RMDN1: variants seen among roughly 807,000 people sequenced by gnomAD.
RMDN1 encodes regulator of microtubule dynamics protein 1.
Under a neutral mutation model 48.9 loss-of-function variants are expected in RMDN1, and 48 were observed. That is an observed-to-expected ratio of 0.98 (90% confidence interval 0.78 to 1.25). RMDN1 has a LOEUF of 1.25. Ranked by LOEUF, RMDN1 falls within the 50% of genes most tolerant of loss-of-function variation. The pLI, the probability that RMDN1 is intolerant of heterozygous loss-of-function variation, is 0.00. For missense variants in RMDN1, 418 were observed against 373.4 expected, an observed-to-expected ratio of 1.12 and a Z score of -0.98; for synonymous variants, 148 against 132.6, an observed-to-expected ratio of 1.12 and a Z score of -0.80.
chr8:86,484,378 T>C (rs1048011722), intron 5 of RMDN1, among the ~76,000 whole-genome samples: 2 of 152,064 alleles, frequency 1.3e-5, no homozygotes, highest in South Asian at 2.1e-4. Context: ...TACCAAGCAA[T>C]GTAGAAGTGC....
intron 2 of RMDN1, among the ~76,000 whole-genome samples, chr8:86,494,151 T>C (rs1239025933): frequency 1.3e-5 from 2 of 152,196 alleles, no homozygotes; most frequent in African/African-American, 2.4e-5. Flanking sequence ...ATGATAACCA[T>C]AGTTAATAAT....
At chr8:86,497,108 C>G (rs1219952763) in intron 2 of RMDN1, among the ~76,000 whole-genome samples, 1 of 152,154 alleles carries the variant, frequency 6.6e-6, no homozygotes, top group Admixed American at 6.5e-5. Context: ...CAAAGATTTA[C>G]CATCCCAGAA....
chr8:86,481,564 T>TC (rs2130709865), intron 5 of RMDN1, among the ~76,000 whole-genome samples: 1 of 76,314 alleles, frequency 1.3e-5, no homozygotes, highest in African/African-American at 4.4e-5. Flanking sequence ...ATTTTCCTTT[T>TC]TTTTTTTTTT....
intron 4 of RMDN1, 40 bp downstream of exon 4, chr8:86,486,444 C>A: frequency 7.4e-7 from 1 of 1,353,696 alleles, no homozygotes; most frequent in African/African-American, 1.5e-5. Flanking sequence ...AGAAAATGTA[C>A]CTCTCAGTAC....
At position 86,503,366 on chromosome 8, in the gene RMDN1, CAAAACAAA is replaced by C. The variant is rs1818628412; in HGVS notation, c.247+3621_247+3628del. 2.0e-4 allele frequency among the ~76,000 whole-genome samples: 14 copies of C among 70,482 alleles called. 2 individuals carry two copies. The South Asian group carries it at 6.6e-3, about 33-fold the overall frequency. The allele number at this position is 70,482 out of a possible 152,430, so 46.2% of individuals were successfully genotyped here. On this transcript the variant is annotated intron_variant, in intron 2 of 9. Coordinates refer to ENST00000406452, the MANE Select transcript of RMDN1 (RefSeq NM_016033.3). ...GACTCCGTCTCAAAACAAAACAAAA[CAAAACAAA>C]AAAAAAAAAAAAAAACAAAAAAAAA...
rs766820001 is a variant in RMDN1 at position 86,508,653 on chromosome 8, T to G, written c.-33A>C. On this transcript the variant is annotated 5_prime_UTR_variant, in exon 1 of 10. Coordinates refer to ENST00000406452, the MANE Select transcript of RMDN1 (RefSeq NM_016033.3). ...AACTTGCGGGCTGACCCTGCACTAC[T>G]TCAGGCAGCTACGGAGGCGGGCGGG... 1 of 1,569,874 alleles carries G rather than the reference T, an allele frequency of 6.4e-7. No individual in the cohort carries two copies. The highest frequency in any genetic ancestry group is 1.8e-5 in the Admixed American group (1 of 56,224).
At chr8:86,503,865 C>T (rs1020783062) in intron 2 of RMDN1, 8 of 630,308 alleles carry the variant, frequency 1.3e-5, no homozygotes, top group African/African-American at 1.1e-4. Context: ...CAATGCTTAT[C>T]GTCAACCTGT....
intron 2 of RMDN1, among the ~76,000 whole-genome samples, chr8:86,490,563 C>G (rs888373548): frequency 3.3e-5 from 5 of 152,064 alleles, no homozygotes; most frequent in African/African-American, 7.3e-5. Context: ...ATGCAGCTCT[C>G]CCAATGCTGA....
chr8:86,491,772 G>A (rs1040112431), intron 2 of RMDN1, among the ~76,000 whole-genome samples: 8 of 152,186 alleles, frequency 5.3e-5, no homozygotes, highest in African/African-American at 1.9e-4. Context: ...AAATGCCAAT[G>A]ATGTGACCTC....
At position 86,486,532 on chromosome 8, in the gene RMDN1, A is replaced by G. The variant is rs1815493390; in HGVS notation, c.447T>C (p.Tyr149=). The change falls in exon 4 of 10, where the codon TAT becomes TAC. Residue 149 remains tyrosine, a synonymous_variant. Coordinates refer to ENST00000406452, the MANE Select transcript of RMDN1 (RefSeq NM_016033.3). ...KKLLVYEALE[Y]AKRALEKNES... ...CATTTTTTTCTAGTGCTCTTTTTGC[A>G]TACTCTAGGGCTTCATACACCAATA... 2 of 1,602,534 alleles carry G rather than the reference A, an allele frequency of 1.2e-6. No individual in the cohort carries two copies. Among genetic ancestry groups the G allele is most frequent in the South Asian group, 2.2e-5 (2 of 88,996 alleles).
At chr8:86,499,321 A>G (rs1015739201) in intron 2 of RMDN1, among the ~76,000 whole-genome samples, 3 of 152,122 alleles carry the variant, frequency 2.0e-5, no homozygotes, top group South Asian at 2.1e-4. Context: ...AAAACCCCAT[A>G]AACAGTCTGC....
chr8:86,501,431 G>C (rs1818198150), intron 2 of RMDN1, among the ~76,000 whole-genome samples: 1 of 152,160 alleles, frequency 6.6e-6, no homozygotes, highest in Admixed American at 6.5e-5. Flanking sequence ...TCAGCACTTT[G>C]GGAGGCTGAG....
chr8:86,479,180 C>T (rs983979660), intron 6 of RMDN1, among the ~76,000 whole-genome samples, 170 bp from the exon 7 acceptor site: 4 of 152,028 alleles, frequency 2.6e-5, no homozygotes, highest in African/African-American at 9.7e-5. Context: ...GATCCTTTAG[C>T]TGGGGGGTGT....
At chr8:86,503,078 GT>G in intron 2 of RMDN1, among the ~76,000 whole-genome samples, 1 of 152,104 alleles carries the variant, frequency 6.6e-6, no homozygotes, top group African/African-American at 2.4e-5. Flanking sequence ...GTTAGGCCAG[GT>G]GCGGTGGCTC....
intron 3 of RMDN1, 138 bp from the exon 4 acceptor site, chr8:86,486,781 G>T: frequency 5.9e-6 from 3 of 511,438 alleles, no homozygotes; most frequent in East Asian, 3.4e-5. Context: ...TAGTAATAAT[G>T]CTAAATTTAT....
In RMDN1 at chr8:86,481,836, G is replaced by A. The variant is rs907183929; in HGVS notation, c.586-1504C>T. 21 of 898,822 alleles carry A rather than the reference G, an allele frequency of 2.3e-5. No individual in the cohort carries two copies. The East Asian group carries it at 6.1e-4, about 26-fold the overall frequency. 55.7% of individuals were successfully genotyped at this position (898,822 alleles called of 1,614,324 possible). A position where few individuals can be genotyped will look rare whatever the true frequency, so the allele number is the denominator to read the frequency against. On this transcript the variant is annotated intron_variant, in intron 5 of 9. Transcript: ENST00000406452. ...TAGGGCTTTATTTCCAGGAAACAGT[G>A]TGTTAGTTGGAGCAGTATTTTTTTT...
chr8:86,479,125 G>A (rs1813892550), intron 6 of RMDN1, 115 bp from the exon 7 acceptor site: 3 of 728,390 alleles, frequency 4.1e-6, no homozygotes, highest in East Asian at 5.3e-5. Context: ...TAAACAACTT[G>A]TGCTTTACAT....
rs367729237 is a variant in RMDN1 at position 86,477,530 on chromosome 8, ACTT to A, written c.730-209_730-207del. On this transcript the variant is annotated intron_variant, in intron 7 of 9. Coordinates refer to ENST00000406452, the MANE Select transcript of RMDN1 (RefSeq NM_016033.3). ...TCATCAAGATTACAATATATGGACT[ACTT>A]CTGGTAATAACTTGGTTGCTGTTTA... 8.0e-5 allele frequency: 35 copies of A among 437,744 alleles called. No individual in the cohort carries two copies. The East Asian group carries it at 8.1e-4, about 10-fold the overall frequency. The allele number at this position is 437,744 out of a possible 1,614,324, so 27.1% of individuals were successfully genotyped here.
At chr8:86,511,499 A>G (rs71525052), upstream of RMDN1, among the ~76,000 whole-genome samples, 1 of 150,948 alleles carries the variant, frequency 6.6e-6, no homozygotes, top group Non-Finnish European at 1.5e-5. Flanking sequence ...GAGAGAAAAT[A>G]TAGATGGAAT....
Sources: gnomAD v4.1 joint callset for allele counts (sites outside exome capture counted in the v4.1 genomes callset) on GRCh38, gnomAD v4.1.1 for gene constraint, MANE v1.5 for transcripts, NCBI Gene and HGNC (gene_info 2026-07-23, HGNC 2026-07-21) for gene names.